The following FNBP4 variants were observed in gnomAD, a reference collection of about 807,000 sequenced individuals.
FNBP4 encodes the protein formin binding protein 4, also known as formin-binding protein 4.
In FNBP4, 34 loss-of-function variants were observed where a neutral mutation model predicts 119.3. That is an observed-to-expected ratio of 0.28 (90% confidence interval 0.22 to 0.38). The LOEUF (loss-of-function observed/expected upper bound fraction) is 0.38. FNBP4 is among the 10% of genes least tolerant of loss of function. The pLI, the probability that FNBP4 is intolerant of heterozygous loss-of-function variation, is 1.00. For missense variants in FNBP4, 1,112 were observed against 1,228.9 expected, an observed-to-expected ratio of 0.90 and a Z score of 1.42; for synonymous variants, 462 against 430.6, an observed-to-expected ratio of 1.07 and a Z score of -0.90.
chr11:47,742,511 ACGGGG>A (rs1368479218), intron 8 of FNBP4, among the ~76,000 whole-genome samples: 1 of 142,622 alleles, frequency 7.0e-6, no homozygotes, highest in African/African-American at 2.6e-5. Context: ...AAAAAGGACC[ACGGGG>A]TAGGGAATGA....
At chr11:47,725,653 A>T in intron 12 of FNBP4, 3 of 453,456 alleles carry the variant, frequency 6.6e-6, no homozygotes, top group Non-Finnish European at 8.7e-6. Flanking sequence ...AGCTTTCCTC[A>T]AACTTTGTAA....
intron 8 of FNBP4, among the ~76,000 whole-genome samples, chr11:47,740,357 A>G (rs965380168): frequency 1.4e-5 from 2 of 147,430 alleles, no homozygotes; most frequent in African/African-American, 5.3e-5. Context: ...AGTTGCAGTG[A>G]GCCACGATCG....
intron 16 of FNBP4, among the ~76,000 whole-genome samples, chr11:47,718,072 A>C (rs2135055020): frequency 6.6e-6 from 1 of 150,940 alleles, no homozygotes; most frequent in African/African-American, 2.4e-5. Context: ...TTTTATATAA[A>C]TATACCTCCA....
chr11:47,753,772 G>C (rs2097609549), intron 3 of FNBP4, among the ~76,000 whole-genome samples: 1 of 151,988 alleles, frequency 6.6e-6, no homozygotes, highest in Admixed American at 6.6e-5. Context: ...TTTCAGCCTG[G>C]GTGACAGTAA....
At chr11:47,753,206 G>A in intron 3 of FNBP4, 104 bp from the exon 4 acceptor site, 1 of 844,246 alleles carries the variant, frequency 1.2e-6, no homozygotes, top group Non-Finnish European at 1.8e-6. Flanking sequence ...CGGGCACAGT[G>A]GCTCACACCT....
At chr11:47,747,041 G>A (rs928550966) in intron 6 of FNBP4, among the ~76,000 whole-genome samples, 9 of 151,828 alleles carry the variant, frequency 5.9e-5, no homozygotes, top group African/African-American at 2.2e-4. Context: ...TGTATGATGA[G>A]AAATTTTTTT....
intron 12 of FNBP4, chr11:47,726,129 CA>C (rs1337985463): frequency 1.3e-5 from 2 of 152,086 alleles, no homozygotes; most frequent in Admixed American, 1.3e-4. Flanking sequence ...ATTTCATGGT[CA>C]AAAGTGGTAG....
At chr11:47,756,858 T>C (rs2097619996) in intron 2 of FNBP4, among the ~76,000 whole-genome samples, 1 of 152,162 alleles carries the variant, frequency 6.6e-6, no homozygotes, top group South Asian at 2.1e-4. Context: ...TCCATGTCCC[T>C]ACAAAGGACA....
intron 8 of FNBP4, among the ~76,000 whole-genome samples, chr11:47,737,500 CATG>C (rs2097575875): frequency 6.6e-6 from 1 of 152,066 alleles, no homozygotes; most frequent in Non-Finnish European, 1.5e-5. Flanking sequence ...AGTGCAGTGG[CATG>C]ATCTCGGCTC....
intron 8 of FNBP4, among the ~76,000 whole-genome samples, chr11:47,737,207 A>C (rs934899154): frequency 6.6e-6 from 1 of 152,168 alleles, no homozygotes; most frequent in Non-Finnish European, 1.5e-5. Flanking sequence ...TAAATAAATA[A>C]AATAAAAATC....
intron 1 of FNBP4, 118 bp downstream of exon 1, chr11:47,766,951 G>A (rs1447534237): frequency 2.4e-5 from 33 of 1,376,774 alleles, no homozygotes; most frequent in Non-Finnish European, 3.0e-5. Flanking sequence ...CAGGCCCGCA[G>A]CAGGCAGGCC....
At chr11:47,729,197 C>T (rs2097564696) in intron 12 of FNBP4, 1 of 985,218 alleles carries the variant, frequency 1.0e-6, no homozygotes, top group Non-Finnish European at 1.2e-6. Flanking sequence ...TTAATTTTCC[C>T]CCCAAAGAGA....
At position 47,750,950 on chromosome 11, in the gene FNBP4, C is replaced by G. The variant is rs1599235394; in HGVS notation, c.872G>C (p.Ser291Thr). 2.5e-6 allele frequency: 4 copies of G among 1,613,976 alleles called. No individual in the cohort carries two copies. The highest frequency in any genetic ancestry group is 3.4e-6 in the Non-Finnish European group (4 of 1,179,980). The change falls in exon 6 of 17, where the codon AGT becomes ACT. Residue 291 changes from serine (S) to threonine (T), a missense_variant. Physicochemically the swap from Ser to Thr is moderately conservative, Grantham distance 58. Coordinates refer to ENST00000263773, the MANE Select transcript of FNBP4 (RefSeq NM_015308.5). ...EKTISVSSSK[S>T]GPVIAKREVK... ...TTCTCGCTTGGCTATGACTGGTCCA[C>G]TTTTACTACTGGAAACAGAAATCGT...
intron 14 of FNBP4, 119 bp from the exon 15 acceptor site, chr11:47,723,435 A>C: frequency 6.9e-7 from 1 of 1,454,522 alleles, no homozygotes; most frequent in East Asian, 2.3e-5. Flanking sequence ...TCCTTTTCTA[A>C]AAAGCATAGC....
At chr11:47,734,642 G>A (rs1295420881) in intron 9 of FNBP4, among the ~76,000 whole-genome samples, 1 of 152,132 alleles carries the variant, frequency 6.6e-6, no homozygotes, top group Non-Finnish European at 1.5e-5. Context: ...GGGGAATATG[G>A]GGAGATGTTG....
intron 6 of FNBP4, 91 bp from the exon 7 acceptor site, chr11:47,746,485 G>T: frequency 1.1e-5 from 12 of 1,100,648 alleles, no homozygotes; most frequent in Admixed American, 2.9e-5. Context: ...CATATTAACT[G>T]TTTTCAGTAG....
intron 15 of FNBP4, among the ~76,000 whole-genome samples, chr11:47,721,511 G>A (rs544805522): frequency 4.7e-4 from 71 of 152,150 alleles, no homozygotes; most frequent in African/African-American, 1.5e-3. Context: ...ACTGAGGCAT[G>A]AGAAGTGCTT....
chr11:47,724,929 G>T, intron 12 of FNBP4, 151 bp from the exon 13 acceptor site: 3 of 1,184,600 alleles, frequency 2.5e-6, no homozygotes, highest in Non-Finnish European at 3.4e-6. Context: ...AAACAGCAGG[G>T]AATGGCTCCT....
chr11:47,717,256 A>T lies in FNBP4; in HGVS notation c.*166T>A, dbSNP rs932151926. ...CTCATCCCTTTGCAAAAACAGAAAA[A>T]TTACATTTCACAAAAGTGAAAACTT... On this transcript the variant is annotated 3_prime_UTR_variant, in exon 17 of 17. Transcript: ENST00000263773. The T allele has an allele frequency of 5.2e-6, 3 of 573,596 alleles. No homozygotes were observed. The highest frequency in any genetic ancestry group is 1.9e-5 in the African/African-American group (1 of 53,292). The allele number at this position is 573,596 out of a possible 1,614,324, so 35.5% of individuals were successfully genotyped here. A position where few individuals can be genotyped will look rare whatever the true frequency, so the allele number is the denominator to read the frequency against.
Sources: gnomAD v4.1 joint callset for allele counts (sites outside exome capture counted in the v4.1 genomes callset) on GRCh38, gnomAD v4.1.1 for gene constraint, MANE v1.5 for transcripts, NCBI Gene and HGNC (gene_info 2026-07-23, HGNC 2026-07-21) for gene names.